Variants in ZNF592 observed in about 807,000 individuals in gnomAD.
ZNF592 encodes the protein zinc finger protein 592.
ZNF592 carries 11 observed loss-of-function variants against 80.3 expected under a neutral mutation model. The ratio of observed to expected loss-of-function variants is 0.14; its 90% CI spans 0.09 to 0.23. The LOEUF is 0.23. ZNF592 is among the 10% of genes least tolerant of loss of function. ZNF592 has a pLI of 1.00. For missense variants in ZNF592, 1,420 were observed against 1,633.9 expected, an observed-to-expected ratio of 0.87 and a Z score of 2.26; for synonymous variants, 646 against 640.3, an observed-to-expected ratio of 1.01 and a Z score of -0.13.
chr15:84,750,158 C>T (rs942373734), intron 1 of ZNF592, among the ~76,000 whole-genome samples: 6 of 152,286 alleles, frequency 3.9e-5, no homozygotes, highest in African/African-American at 1.4e-4. Context: ...ACAAAATTAG[C>T]CGGGTGTGGT....
rs368912912 is a variant in ZNF592 at position 84,784,641 on chromosome 15, A to G, written c.1966A>G (p.Ile656Val). The G allele has an allele frequency of 8.7e-6, 14 of 1,614,002 alleles. No homozygotes were observed. In the East Asian group the frequency reaches 1.3e-4, roughly 15 times the overall value. The change falls in exon 4 of 11, where the codon ATC becomes GTC. Residue 656 changes from isoleucine to valine, a missense_variant. Ile to Val is a conservative substitution (Grantham distance 29). This residue lies in a region of ZNF592 where 524 missense variants were observed against 628.3 expected (regional missense o/e 0.83). Coordinates refer to ENST00000560079, the MANE Select transcript of ZNF592 (RefSeq NM_014630.3). The surrounding 1 kb of genome is among the most constrained non-coding windows in gnomAD (Gnocchi z 5.8). ...GTGTTCCCAGCTGCTGGTGAAGCCT[A>G]TCTCTGCGGACCAAATGTTCGTGTC... Reference protein sequence around the residue: ...MQCSQLLVKPISADQMFVSAP... With the variant: ...MQCSQLLVKPVSADQMFVSAP...
intron 2 of ZNF592, among the ~76,000 whole-genome samples, chr15:84,769,693 G>A (rs1010316409): frequency 3.9e-5 from 6 of 152,122 alleles, no homozygotes; most frequent in Admixed American, 1.3e-4. Flanking sequence ...TCACTCTGAG[G>A]GAGATGGGAT....
intron 1 of ZNF592, among the ~76,000 whole-genome samples, chr15:84,751,738 C>T (rs1406530797): frequency 6.6e-6 from 1 of 151,840 alleles, no homozygotes; most frequent in East Asian, 1.9e-4. Context: ...AACCCTGTCT[C>T]TACTAAAAAT....
At chr15:84,785,954 A>C (rs1343826645) in intron 4 of ZNF592, among the ~76,000 whole-genome samples, 1 of 152,038 alleles carries the variant, frequency 6.6e-6, no homozygotes, top group Non-Finnish European at 1.5e-5. Context: ...CTGAAGAAAG[A>C]GGCCTCCAGA....
chr15:84,765,535 G>GTTTTTTTTTTTTTTTTTTT (rs71453265), intron 2 of ZNF592, among the ~76,000 whole-genome samples: 1 of 92,280 alleles, frequency 1.1e-5, no homozygotes, highest in Non-Finnish European at 2.0e-5. Context: ...TGTTATTATT[G>GTTTTTTTTTTTTTTTTTTT]TTTTTTTTTT....
intron 5 of ZNF592, among the ~76,000 whole-genome samples, 156 bp from the exon 6 acceptor site, chr15:84,797,713 C>T (rs538421789): frequency 3.4e-4 from 51 of 152,164 alleles, no homozygotes; most frequent in Non-Finnish European, 6.3e-4. Context: ...ACCCTCAGGA[C>T]GTACTTGTCA....
intron 1 of ZNF592, among the ~76,000 whole-genome samples, chr15:84,754,179 T>C (rs558504491): frequency 1.3e-5 from 2 of 152,226 alleles, no homozygotes; most frequent in South Asian, 2.1e-4. Context: ...TCAGCACTTA[T>C]GGGCTGTCGT....
intron 5 of ZNF592, among the ~76,000 whole-genome samples, chr15:84,796,254 A>G (rs1962908668): frequency 4.3e-5 from 1 of 23,386 alleles, no homozygotes; most frequent in Non-Finnish European, 7.3e-5. Context: ...ATATATATAT[A>G]TATATATATA....
In ZNF592 at chr15:84,799,737, C is replaced by T; in HGVS notation, c.3138-105C>T. 6.4e-7 allele frequency: 1 copy of T among 1,561,336 alleles called. No homozygotes were observed. The highest frequency in any genetic ancestry group is 8.7e-7 in the Non-Finnish European group (1 of 1,145,182). On this transcript the variant is annotated intron_variant, in intron 9 of 10. Coordinates refer to ENST00000560079, the MANE Select transcript of ZNF592 (RefSeq NM_014630.3). This position sits in a 1 kb window ranked among gnomAD's most constrained non-coding sequence, Gnocchi z 4.2. ...TCTGGGGTTCCCAGCACTAGCCAGC[C>T]CAGGAGTCTGCTCCAGACTCCCTCC...
intron 3 of ZNF592, among the ~76,000 whole-genome samples, chr15:84,781,924 A>G (rs1220964940): frequency 1.3e-5 from 2 of 152,238 alleles, no homozygotes; most frequent in East Asian, 3.8e-4. Flanking sequence ...TTTGTATATT[A>G]GTCAAAATAG....
In ZNF592 at chr15:84,784,955, G is replaced by C; in HGVS notation, c.2220+60G>C. 6.3e-7 allele frequency: 1 copy of C among 1,575,666 alleles called. No individual in the cohort carries two copies. The highest frequency in any genetic ancestry group is 1.3e-5 in the African/African-American group (1 of 74,262). On this transcript the variant is annotated intron_variant, in intron 4 of 10. Transcript: ENST00000560079. The surrounding 1 kb of genome is among the most constrained non-coding windows in gnomAD (Gnocchi z 5.8). ...CCTGGCTCACACAGGTTCCATGACT[G>C]GGCATGGAGAGGAAAGCTCATTGAT...
At chr15:84,757,913 C>T (rs931575682) in intron 1 of ZNF592, among the ~76,000 whole-genome samples, 20 of 151,720 alleles carry the variant, frequency 1.3e-4, no homozygotes, top group African/African-American at 4.6e-4. Context: ...CCGCCCACCT[C>T]GGCCTCCCAA....
At chr15:84,777,694 C>CTTTTTT (rs397854471) in intron 2 of ZNF592, among the ~76,000 whole-genome samples, 9 of 98,426 alleles carry the variant, frequency 9.1e-5, no homozygotes, top group African/African-American at 1.1e-4. Flanking sequence ...TGTTGAGATA[C>CTTTTTT]TTTTTTTTTT....
At chr15:84,800,809 AAAG>A (rs1417088334) in intron 10 of ZNF592, among the ~76,000 whole-genome samples, 1 of 152,196 alleles carries the variant, frequency 6.6e-6, no homozygotes, top group Non-Finnish European at 1.5e-5. Flanking sequence ...CCTTGGGCAT[AAAG>A]AAGTCTGCTA....
At chr15:84,775,888 A>G (rs955837676) in intron 2 of ZNF592, among the ~76,000 whole-genome samples, 7 of 152,228 alleles carry the variant, frequency 4.6e-5, no homozygotes, top group Non-Finnish European at 8.8e-5. Context: ...TCTGTAATAA[A>G]CAATATGAAT....
rs1567076351 is a variant in ZNF592 at position 84,796,272 on chromosome 15, TATATATATATATATATATATATAA to T, written c.2400-1595_2400-1572del. Among the ~76,000 whole-genome samples, 274 of 45,502 alleles carry T rather than the reference TATATATATATATATATATATATAA, an allele frequency of 6.0e-3. 26 individuals are homozygous for T. The highest frequency in any genetic ancestry group is 0.012 in the African/African-American group (102 of 8,412). The allele number at this position is 45,502 out of a possible 152,430, so 29.9% of individuals were successfully genotyped here. A position where few individuals can be genotyped will look rare whatever the true frequency, so the allele number is the denominator to read the frequency against. ...TATATATATATATATATATTTTATATATATATATATATATATATATATAAAAAAACGAAGGGTAACATTCAGGAG... is the reference window on the plus strand; with the variant it reads ...TATATATATATATATATATTTTATATAAAAACGAAGGGTAACATTCAGGAG... On this transcript the variant is annotated intron_variant, in intron 5 of 10. Coordinates refer to ENST00000560079, the MANE Select transcript of ZNF592 (RefSeq NM_014630.3).
At chr15:84,781,968 A>G (rs774699647) in intron 3 of ZNF592, among the ~76,000 whole-genome samples, 3 of 152,218 alleles carry the variant, frequency 2.0e-5, no homozygotes, top group Non-Finnish European at 4.4e-5. Context: ...CACTTGGCCA[A>G]TTTGATAACT....
intron 1 of ZNF592, among the ~76,000 whole-genome samples, chr15:84,759,578 C>T (rs1899280767): frequency 6.6e-6 from 1 of 152,152 alleles, no homozygotes; most frequent in African/African-American, 2.4e-5. Flanking sequence ...ATCTTAGAGT[C>T]CTGTTTTAAA....
In ZNF592 at chr15:84,798,009, C is replaced by T. The variant is rs1245792181; in HGVS notation, c.2540C>T (p.Ala847Val). 3.7e-6 allele frequency: 6 copies of T among 1,613,940 alleles called. No individual in the cohort carries two copies. The highest frequency in any genetic ancestry group is 5.1e-6 in the Non-Finnish European group (6 of 1,180,042). The change falls in exon 6 of 11, where the codon GCC (alanine) becomes GTC (valine). Residue 847 changes from alanine (A) to valine (V), a missense_variant. Around this residue, in one of 7 missense-constraint regions of ZNF592, gnomAD observed 331 missense variants for 347.0 expected, o/e 0.95. Transcript: ENST00000560079. This position sits in a 1 kb window ranked among gnomAD's most constrained non-coding sequence, Gnocchi z 4.5. Reference sequence around the variant, plus strand: ...GCCAGCAGCACTGCAGACCACAGTGCCACCCAGCACCCCACCCAGCCCCAC... The same window carrying T: ...GCCAGCAGCACTGCAGACCACAGTGTCACCCAGCACCCCACCCAGCCCCAC... ...KTASSTADHS[A>V]TQHPTQPHRP... is the part of the protein sequence containing the mutation.
Sources: allele counts gnomAD v4.1 joint callset (sites outside exome capture counted in the v4.1 genomes callset), GRCh38; gene constraint gnomAD v4.1.1; regional missense constraint gnomAD v4.1.1; non-coding constraint Gnocchi (gnomAD v3.1); transcripts MANE v1.5; gene names NCBI Gene and HGNC (gene_info 2026-07-23, HGNC 2026-07-21).